The following NT5DC1 variants were observed in gnomAD, a reference collection of about 807,000 sequenced individuals.
NT5DC1 encodes the protein 5'-nucleotidase domain containing 1.
Under a neutral mutation model 59.4 loss-of-function variants are expected in NT5DC1, and 42 were observed. The observed-to-expected ratio is 0.71, with a 90% CI of 0.55 to 0.92. The LOEUF is 0.92. Among genes scored for constraint, NT5DC1 ranks in the 40% least tolerant of loss-of-function variants. The probability of loss-of-function intolerance (pLI) is 0.00; values close to 1 mark genes in which losing one functional copy is unlikely to be tolerated. For missense variants in NT5DC1, 501 were observed against 537.1 expected (o/e 0.93, Z 0.66); for synonymous variants, 172 against 188.1 (o/e 0.91, Z 0.70).
At chr6:116,182,222 A>AGAGTGTGT (rs148509481) in intron 6 of NT5DC1, among the ~76,000 whole-genome samples, 1 of 124,606 alleles carries the variant, frequency 8.0e-6, no homozygotes, top group Non-Finnish European at 1.7e-5. Context: ...TTCCATGGAG[A>AGAGTGTGT]GTGTGTGTGT....
At chr6:116,179,414 A>C (rs1780824511) in intron 6 of NT5DC1, among the ~76,000 whole-genome samples, 1 of 152,098 alleles carries the variant, frequency 6.6e-6, no homozygotes, top group Non-Finnish European at 1.5e-5. Context: ...AATATCTAGA[A>C]TCTACAAGGA....
chr6:116,170,084 T>A (rs755113912), intron 6 of NT5DC1, among the ~76,000 whole-genome samples: 1 of 152,184 alleles, frequency 6.6e-6, no homozygotes, highest in Non-Finnish European at 1.5e-5. Flanking sequence ...ATCCCTCTTT[T>A]CTTCAGTAGG....
chr6:116,157,881 G>A (rs1225735597), intron 6 of NT5DC1, among the ~76,000 whole-genome samples: 1 of 152,128 alleles, frequency 6.6e-6, no homozygotes, highest in East Asian at 1.9e-4. Flanking sequence ...CGTCTTTTAG[G>A]CTAGTAATAA....
chr6:116,189,824 C>T (rs1781077559), intron 6 of NT5DC1, among the ~76,000 whole-genome samples: 3 of 151,980 alleles, frequency 2.0e-5, no homozygotes, highest in Admixed American at 2.0e-4. Flanking sequence ...TGGTAGACAG[C>T]AGTTACTTAG....
At chr6:116,200,804 A>C (rs1290246014) in intron 6 of NT5DC1, among the ~76,000 whole-genome samples, 1 of 152,012 alleles carries the variant, frequency 6.6e-6, no homozygotes, top group Non-Finnish European at 1.5e-5. Context: ...ATCACATAAC[A>C]GTTCTTCACC....
intron 6 of NT5DC1, among the ~76,000 whole-genome samples, chr6:116,194,781 G>A (rs887653076): frequency 6.6e-6 from 1 of 152,002 alleles, no homozygotes; most frequent in Non-Finnish European, 1.5e-5. Context: ...TGGCTTTTGG[G>A]TACAATGCTG....
intron 6 of NT5DC1, among the ~76,000 whole-genome samples, chr6:116,156,392 G>T (rs1297786416): frequency 6.6e-6 from 1 of 152,058 alleles, no homozygotes; most frequent in African/African-American, 2.4e-5. Flanking sequence ...TACTATGTAG[G>T]CACTTTGAGG....
At chr6:116,134,847 G>A (rs1779550630) in intron 6 of NT5DC1, among the ~76,000 whole-genome samples, 1 of 152,144 alleles carries the variant, frequency 6.6e-6, no homozygotes, top group South Asian at 2.1e-4. Flanking sequence ...AAGTAGGCAT[G>A]GTAGGAGGAT....
intron 6 of NT5DC1, chr6:116,120,776 A>G (rs751211503): frequency 1.2e-6 from 2 of 1,613,038 alleles, no homozygotes; most frequent in South Asian, 1.1e-5. Flanking sequence ...AGTACCTGGT[A>G]TTCCAGGGGC....
intron 6 of NT5DC1, among the ~76,000 whole-genome samples, chr6:116,196,359 A>G (rs1781226834): frequency 6.6e-6 from 1 of 152,108 alleles, no homozygotes; most frequent in Non-Finnish European, 1.5e-5. Context: ...AACAAAATAT[A>G]CACAATGGGA....
At chr6:116,116,878 T>C (rs1254483354) in intron 5 of NT5DC1, among the ~76,000 whole-genome samples, 1 of 152,148 alleles carries the variant, frequency 6.6e-6, no homozygotes, top group East Asian at 1.9e-4. Flanking sequence ...AAATATCTAG[T>C]AGTCTGTCTT....
chr6:116,186,687 A>T (rs946135108), intron 6 of NT5DC1, among the ~76,000 whole-genome samples: 7 of 151,738 alleles, frequency 4.6e-5, no homozygotes, highest in African/African-American at 1.2e-4. Flanking sequence ...TTTCCAGTGC[A>T]TTTTGCATTT....
chr6:116,193,935 G>A (rs1781175299), intron 6 of NT5DC1, among the ~76,000 whole-genome samples: 1 of 151,914 alleles, frequency 6.6e-6, no homozygotes, highest in Admixed American at 6.6e-5. Context: ...GTGGTGGCAT[G>A]TATCTGTGGT....
intron 4 of NT5DC1, among the ~76,000 whole-genome samples, chr6:116,112,354 A>G (rs1447188969): frequency 6.6e-6 from 1 of 152,240 alleles, no homozygotes; most frequent in Non-Finnish European, 1.5e-5. Flanking sequence ...GTATGGAAGA[A>G]GGAAAAAAAT....
Position 116,125,275 on chromosome 6 carries a change from T to G in NT5DC1, c.529+7330T>G. The G allele has an allele frequency of 3.8e-6, 6 of 1,559,992 alleles. No individual in the cohort carries two copies. In the South Asian group the frequency reaches 5.8e-5, roughly 15 times the overall value. On this transcript the variant is annotated intron_variant, in intron 6 of 11. Transcript: ENST00000319550. ...AGTTAAATGCATTTTGTTAAAGAGA[T>G]TATTAAGATTATAGAAAGCAACAAG...
rs146526713 is a variant in NT5DC1, at chr6:116,205,621, A to G, written c.530-15433A>G. 4.7e-4 allele frequency among the ~76,000 whole-genome samples: 71 copies of G among 152,052 alleles called. 1 individual carries two copies. The East Asian group carries it at 0.014, about 30-fold the overall frequency. The stretch of plus-strand genomic sequence containing the variant: ...AATTGGGGGGGAAAAAAGGCTGTTC[A>G]GATATTTTATACATTTCTTTAAGAA... On this transcript the variant is annotated intron_variant, in intron 6 of 11. Coordinates refer to ENST00000319550, the MANE Select transcript of NT5DC1 (RefSeq NM_152729.3).
chr6:116,125,600 C>G (rs1779278508), intron 6 of NT5DC1: 5 of 1,151,376 alleles, frequency 4.3e-6, no homozygotes, highest in East Asian at 2.6e-5. Flanking sequence ...ATACAGTTAT[C>G]TACTTTTTTA....
chr6:116,235,035 GTT>G (rs60150533), intron 8 of NT5DC1, among the ~76,000 whole-genome samples: 89,355 of 131,698 alleles, frequency 0.68, 29,889 homozygotes, highest in East Asian at 0.97. Context: ...CTTGATTTGG[GTT>G]TTTTTTTTTT....
At chr6:116,169,651 T>C (rs1780561677) in intron 6 of NT5DC1, among the ~76,000 whole-genome samples, 1 of 152,220 alleles carries the variant, frequency 6.6e-6, no homozygotes, top group Non-Finnish European at 1.5e-5. Flanking sequence ...TTATTTTTTA[T>C]TGAGAAATTT....
Sources: gnomAD v4.1 joint callset for allele counts (sites outside exome capture counted in the v4.1 genomes callset) on GRCh38, gnomAD v4.1.1 for gene constraint, MANE v1.5 for transcripts, NCBI Gene and HGNC (gene_info 2026-07-23, HGNC 2026-07-21) for gene names.